LRRTM4: variants seen among roughly 807,000 people sequenced by gnomAD.
The protein encoded by LRRTM4 is leucine rich repeat transmembrane neuronal 4.
A neutral mutation model predicts 47.6 loss-of-function variants in LRRTM4; 25 were observed. The observed-to-expected ratio is 0.53, with a 90% CI of 0.38 to 0.73. LRRTM4 has a LOEUF of 0.73. Among genes scored for constraint, LRRTM4 ranks in the 30% least tolerant of loss-of-function variants. The pLI, the probability that LRRTM4 is intolerant of heterozygous loss-of-function variation, is 0.00. For missense variants in LRRTM4, 638 were observed against 713.4 expected, an observed-to-expected ratio of 0.89 and a Z score of 1.20; for synonymous variants, 311 against 269.5, an observed-to-expected ratio of 1.15 and a Z score of -1.51.
chr2:77,175,954 C>T (rs1404807537), intron 3 of LRRTM4, among the ~76,000 whole-genome samples: 1 of 151,480 alleles, frequency 6.6e-6, no homozygotes, highest in African/African-American at 2.4e-5. Flanking sequence ...CCACTGCGCC[C>T]GCTACTCCCG....
intron 3 of LRRTM4, among the ~76,000 whole-genome samples, chr2:76,804,042 T>G (rs1675839418): frequency 6.6e-6 from 1 of 152,170 alleles, no homozygotes; most frequent in African/African-American, 2.4e-5. Flanking sequence ...GGACAGCCTC[T>G]TGATAGCTTG....
chr2:76,783,707 A>C (rs1385954682), intron 3 of LRRTM4, among the ~76,000 whole-genome samples: 1 of 152,208 alleles, frequency 6.6e-6, no homozygotes, highest in Non-Finnish European at 1.5e-5. Flanking sequence ...TGAATTTCAC[A>C]ATACCATTTG....
chr2:76,760,672 C>G (rs935049381), intron 3 of LRRTM4, among the ~76,000 whole-genome samples: 1 of 152,092 alleles, frequency 6.6e-6, no homozygotes, highest in Non-Finnish European at 1.5e-5. Flanking sequence ...GAATGGAACA[C>G]GCTTGATCAC....
At chr2:77,172,605 A>AAC (rs1351133778) in intron 3 of LRRTM4, among the ~76,000 whole-genome samples, 2 of 152,122 alleles carry the variant, frequency 1.3e-5, no homozygotes, top group African/African-American at 4.8e-5. Flanking sequence ...AAACATAAAA[A>AAC]AAAAAATAAA....
rs189265355 is a variant in LRRTM4 at position 76,782,156 on chromosome 2, A to G, written c.1552-33240T>C. Reference sequence around the variant, plus strand: ...CCGCATAAAAGCTCCACTTTAAATAAAAGATAAAATGGTATTTTGCAACAC... The same window carrying G: ...CCGCATAAAAGCTCCACTTTAAATAGAAGATAAAATGGTATTTTGCAACAC... On this transcript the variant is annotated intron_variant, in intron 3 of 3. Transcript: ENST00000409884. Among the ~76,000 whole-genome samples, 87 of 152,300 alleles carry G rather than the reference A, an allele frequency of 5.7e-4. 3 individuals are homozygous for G. The highest frequency in any genetic ancestry group is 5.4e-3 in the Admixed American group (83 of 15,302).
chr2:76,875,215 AAGAT>A (rs1255517492), intron 3 of LRRTM4, among the ~76,000 whole-genome samples: 1 of 152,152 alleles, frequency 6.6e-6, no homozygotes, highest in Admixed American at 6.6e-5. Context: ...TGCCTCAGAT[AAGAT>A]AAATAATCAT....
chr2:77,252,730 G>A (rs1426867467), intron 3 of LRRTM4, among the ~76,000 whole-genome samples: 1 of 152,130 alleles, frequency 6.6e-6, no homozygotes, highest in Non-Finnish European at 1.5e-5. Flanking sequence ...GAAAAGAGTG[G>A]TGACTAAGAA....
chr2:77,473,481 T>C (rs1677266680), intron 3 of LRRTM4, among the ~76,000 whole-genome samples: 2 of 152,112 alleles, frequency 1.3e-5, no homozygotes, highest in Admixed American at 1.3e-4. Context: ...CTGATAGCTC[T>C]ATTAGCCTTT....
intron 3 of LRRTM4, among the ~76,000 whole-genome samples, chr2:77,480,823 GAGA>G (rs1677662095): frequency 8.2e-4 from 20 of 24,504 alleles, no homozygotes; most frequent in African/African-American, 2.4e-3. Context: ...TGTGTGTGTG[GAGA>G]GAGAGAGAGA....
rs532396520 is a variant in LRRTM4, at chr2:77,419,833, C to T, written c.1551+98485G>A. ...AAAAAGAAAACTAAGATTAATCACA[C>T]TTGACCAGATGCCTTCCAGAAATAC... On this transcript the variant is annotated intron_variant, in intron 3 of 3. Coordinates refer to ENST00000409884, the MANE Select transcript of LRRTM4 (RefSeq NM_001134745.3). Among the ~76,000 whole-genome samples the T allele has an allele frequency of 6.1e-4, 93 of 152,130 alleles. No individual in the cohort carries two copies. In the Middle Eastern group the frequency reaches 0.014, roughly 22 times the overall value.
In LRRTM4 at chr2:77,045,070, A is replaced by T. The variant is rs193298870; in HGVS notation, c.1552-296154T>A. Among the ~76,000 whole-genome samples the T allele has an allele frequency of 7.0e-3, 1,068 of 151,992 alleles. 11 individuals carry two copies. Among genetic ancestry groups the T allele is most frequent in the African/African-American group, 0.025 (1,030 of 41,508 alleles). On this transcript the variant is annotated intron_variant, in intron 3 of 3. Coordinates refer to ENST00000409884, the MANE Select transcript of LRRTM4 (RefSeq NM_001134745.3). ...ATATGTGAAAATAAATTCTCTTTAC[A>T]TAAAGAGGTAATATGGTATTTTTAG...
chr2:77,238,111 G>GT (rs764638850), intron 3 of LRRTM4, among the ~76,000 whole-genome samples: 27 of 151,952 alleles, frequency 1.8e-4, no homozygotes, highest in African/African-American at 1.2e-4. Context: ...ATTATATGAG[G>GT]TTTTTTAAAA....
At chr2:76,860,192 T>C (rs1672272152) in intron 3 of LRRTM4, among the ~76,000 whole-genome samples, 1 of 152,178 alleles carries the variant, frequency 6.6e-6, no homozygotes, top group South Asian at 2.1e-4. Context: ...AGTCTTCAAA[T>C]AGCCTCAACT....
chr2:77,484,312 T>C (rs1231095295), intron 3 of LRRTM4, among the ~76,000 whole-genome samples: 1 of 152,216 alleles, frequency 6.6e-6, no homozygotes, highest in Non-Finnish European at 1.5e-5. Context: ...ATATTCAATA[T>C]GTTCTCCTTT....
intron 3 of LRRTM4, among the ~76,000 whole-genome samples, chr2:77,384,022 C>G (rs956417058): frequency 2.0e-4 from 30 of 152,022 alleles, no homozygotes; most frequent in Admixed American, 1.8e-3. Flanking sequence ...GTAAGGCTAA[C>G]AGAATATTTT....
chr2:77,049,498 A>G (rs1259541443), intron 3 of LRRTM4, among the ~76,000 whole-genome samples: 2 of 151,836 alleles, frequency 1.3e-5, no homozygotes, highest in African/African-American at 4.8e-5. Context: ...AGCTAGAGTG[A>G]GATGGTATCT....
At chr2:77,040,260 T>G (rs1573487050) in intron 3 of LRRTM4, among the ~76,000 whole-genome samples, 1 of 151,370 alleles carries the variant, frequency 6.6e-6, no homozygotes, top group African/African-American at 2.4e-5. Context: ...CTACAACATA[T>G]ATATATATAA....
intron 3 of LRRTM4, among the ~76,000 whole-genome samples, chr2:77,089,985 C>A (rs1394527032): frequency 6.6e-6 from 1 of 152,132 alleles, no homozygotes; most frequent in Non-Finnish European, 1.5e-5. Flanking sequence ...TCAGTACTAA[C>A]CCCAAGCATC....
intron 3 of LRRTM4, among the ~76,000 whole-genome samples, chr2:77,170,678 ACTT>A (rs1673021439): frequency 6.6e-6 from 1 of 152,070 alleles, no homozygotes; most frequent in African/African-American, 2.4e-5. Flanking sequence ...GCATCTTTAA[ACTT>A]CTGTTTTTGC....
Sources: allele counts gnomAD v4.1 joint callset (sites outside exome capture counted in the v4.1 genomes callset), GRCh38; gene constraint gnomAD v4.1.1; transcripts MANE v1.5; gene names NCBI Gene and HGNC (gene_info 2026-07-23, HGNC 2026-07-21).